IGF1R: variants seen among roughly 807,000 people sequenced by gnomAD.
IGF1R encodes the protein insulin like growth factor 1 receptor.
Under a neutral mutation model 144.6 loss-of-function variants are expected in IGF1R, and 44 were observed. The ratio of observed to expected loss-of-function variants is 0.30; its 90% CI spans 0.24 to 0.39. The LOEUF is 0.39. Ranked by LOEUF, IGF1R falls within the 10% of genes least tolerant of loss-of-function variation. The pLI is 1.00. For synonymous variants in IGF1R, 795 were observed against 722.8 expected (o/e 1.10, Z -1.60); for missense variants, 1,355 against 1,833.7 (o/e 0.74, Z 4.77).
At chr15:98,855,629 A>G (rs1246449863) in intron 2 of IGF1R, among the ~76,000 whole-genome samples, 1 of 152,238 alleles carries the variant, frequency 6.6e-6, no homozygotes, top group Non-Finnish European at 1.5e-5. Context: ...TATTGATCCA[A>G]CAAAAAATTA....
At chr15:98,909,005 C>A in intron 6 of IGF1R, 106 bp downstream of exon 6, 1 of 958,248 alleles carries the variant, frequency 1.0e-6, no homozygotes, top group Non-Finnish European at 1.6e-6. Flanking sequence ...CCTGGTTTCA[C>A]ATGGGGGACC....
At chr15:98,904,787 C>T (rs1204227036) in intron 5 of IGF1R, among the ~76,000 whole-genome samples, 1 of 152,164 alleles carries the variant, frequency 6.6e-6, no homozygotes, top group African/African-American at 2.4e-5. Flanking sequence ...GGAAACTGTC[C>T]CTTCCTACCT....
At chr15:98,946,120 A>G (rs913353928) in intron 19 of IGF1R, among the ~76,000 whole-genome samples, 2 of 147,644 alleles carry the variant, frequency 1.4e-5, no homozygotes, top group African/African-American at 2.5e-5. Flanking sequence ...GGGTTGCATC[A>G]TCTTCTTCAC....
At chr15:98,848,835 A>G (rs1388015633) in intron 2 of IGF1R, among the ~76,000 whole-genome samples, 1 of 152,244 alleles carries the variant, frequency 6.6e-6, no homozygotes, top group Admixed American at 6.5e-5. Context: ...ATAACTTGCT[A>G]GATGATATTA....
intron 2 of IGF1R, among the ~76,000 whole-genome samples, chr15:98,811,787 G>T (rs1039930045): frequency 6.6e-6 from 1 of 151,878 alleles, no homozygotes; most frequent in Admixed American, 6.6e-5. Flanking sequence ...TTCTCTGGGC[G>T]TGTTGGCGGG....
At chr15:98,869,295 A>C (rs369472563) in intron 2 of IGF1R, among the ~76,000 whole-genome samples, 85 of 123,728 alleles carry the variant, frequency 6.9e-4, no homozygotes, top group African/African-American at 2.8e-3. Flanking sequence ...TCAATTAAAA[A>C]AAACAAACAA....
chr15:98,825,266 G>A (rs544918279), intron 2 of IGF1R, among the ~76,000 whole-genome samples: 1 of 152,338 alleles, frequency 6.6e-6, no homozygotes, highest in South Asian at 2.1e-4. Flanking sequence ...CCTCCCAACA[G>A]ATACCAAAAT....
intron 2 of IGF1R, among the ~76,000 whole-genome samples, chr15:98,829,722 C>T (rs2056966837): frequency 6.6e-6 from 1 of 152,074 alleles, no homozygotes; most frequent in Non-Finnish European, 1.5e-5. Flanking sequence ...GCAATTATGA[C>T]CTTAAAAATG....
At chr15:98,668,590 T>C (rs2052803035) in intron 1 of IGF1R, among the ~76,000 whole-genome samples, 1 of 152,226 alleles carries the variant, frequency 6.6e-6, no homozygotes, top group Admixed American at 6.5e-5. Flanking sequence ...TGAGAAATTT[T>C]ATATGACCCC....
chr15:98,763,386 G>A (rs2055356060), intron 2 of IGF1R, among the ~76,000 whole-genome samples: 2 of 152,094 alleles, frequency 1.3e-5, no homozygotes, highest in Non-Finnish European at 2.9e-5. Context: ...ATGACCTGGA[G>A]GGCCTTAGTT....
At position 98,962,099 on chromosome 15, in the gene IGF1R, C is replaced by T; in HGVS notation, c.*4657C>T. ...GCAGGCTGGCAGCCGAATGGCTTGC[C>T]AGTGGCTCTGTGGCAAGATCACACT... On this transcript the variant is annotated 3_prime_UTR_variant, in exon 21 of 21. Transcript: ENST00000650285. The T allele has an allele frequency of 4.3e-6, 1 of 233,320 alleles. No individual in the cohort carries two copies. The highest frequency in any genetic ancestry group is 8.5e-6 in the Non-Finnish European group (1 of 118,068). 14.5% of individuals were successfully genotyped at this position (233,320 alleles called of 1,614,324 possible).
intron 4 of IGF1R, 29 bp downstream of exon 4, chr15:98,896,934 G>C (rs1410200693): frequency 6.2e-7 from 1 of 1,611,336 alleles, no homozygotes. Context: ...TGGAAAAACG[G>C]CTAGATCTCA....
intron 2 of IGF1R, among the ~76,000 whole-genome samples, chr15:98,816,751 GTC>G (rs1470412773): frequency 6.6e-6 from 1 of 152,188 alleles, no homozygotes; most frequent in Non-Finnish European, 1.5e-5. Flanking sequence ...GTCCCATGTG[GTC>G]CCCAGAGGAA....
chr15:98,931,154 G>A (rs2015924717), intron 15 of IGF1R, among the ~76,000 whole-genome samples: 1 of 152,316 alleles, frequency 6.6e-6, no homozygotes, highest in South Asian at 2.1e-4. Flanking sequence ...AAGTCAGGAG[G>A]AGAATGGAAT....
chr15:98,899,377 C>T, intron 4 of IGF1R, 100 bp from the exon 5 acceptor site: 1 of 1,203,306 alleles, frequency 8.3e-7, no homozygotes, highest in Non-Finnish European at 1.2e-6. Context: ...TCTCAGGGGG[C>T]ACCTGCCGTT....
chr15:98,841,051 G>A (rs771237477), intron 2 of IGF1R, among the ~76,000 whole-genome samples: 5 of 152,120 alleles, frequency 3.3e-5, no homozygotes, highest in Non-Finnish European at 5.9e-5. Flanking sequence ...GTGAGCCACC[G>A]CATCTGGTCT....
chr15:98,821,962 A>G (rs1034723026), intron 2 of IGF1R, among the ~76,000 whole-genome samples: 4 of 152,226 alleles, frequency 2.6e-5, no homozygotes, highest in Admixed American at 6.5e-5. Context: ...TACTTATACC[A>G]TAAAAGGTAT....
intron 4 of IGF1R, among the ~76,000 whole-genome samples, chr15:98,898,106 G>A (rs1449876166): frequency 6.6e-6 from 1 of 152,150 alleles, no homozygotes; most frequent in African/African-American, 2.4e-5. Flanking sequence ...CCCACTCCCA[G>A]CCCTCCGTGA....
intron 7 of IGF1R, 135 bp from the exon 8 acceptor site, chr15:98,912,909 A>G (rs182799144): frequency 3.7e-5 from 25 of 681,768 alleles, no homozygotes; most frequent in East Asian, 3.0e-4. Flanking sequence ...TTCTTCTTCT[A>G]TAAAAGTCTA....
Sources: allele counts gnomAD v4.1 joint callset (sites outside exome capture counted in the v4.1 genomes callset), GRCh38; gene constraint gnomAD v4.1.1; transcripts MANE v1.5; gene names NCBI Gene and HGNC (gene_info 2026-07-23, HGNC 2026-07-21).